Variants in ACP3 observed in about 807,000 individuals in gnomAD.
ACP3 encodes the protein acid phosphatase 3.
Under a neutral mutation model 45.6 loss-of-function variants are expected in ACP3, and 38 were observed. The ratio of observed to expected loss-of-function variants is 0.83; its 90% CI spans 0.64 to 1.09. The LOEUF is 1.09. Among genes scored for constraint, ACP3 ranks in the 50% least tolerant of loss-of-function variants. The pLI is 0.00. For missense variants in ACP3, 466 were observed against 463.2 expected, an observed-to-expected ratio of 1.01 and a Z score of -0.05; for synonymous variants, 162 against 164.7, an observed-to-expected ratio of 0.98 and a Z score of 0.13.
At chr3:132,323,696 C>T (rs1576407279) in intron 1 of ACP3, among the ~76,000 whole-genome samples, 1 of 152,270 alleles carries the variant, frequency 6.6e-6, no homozygotes, top group African/African-American at 2.4e-5. Context: ...TTGGATGTAA[C>T]AGCAGGAGGG....
At chr3:132,333,491 G>T (rs1443135177) in intron 4 of ACP3, 1 of 152,536 alleles carries the variant, frequency 6.6e-6, no homozygotes, top group Non-Finnish European at 1.5e-5. Context: ...AGTGACCTCT[G>T]GGGTAGGTTA....
At chr3:132,365,958 C>G (rs1938124393) in intron 10 of ACP3, among the ~76,000 whole-genome samples, 2 of 151,918 alleles carry the variant, frequency 1.3e-5, no homozygotes, top group Admixed American at 1.3e-4. Flanking sequence ...CCACTGCACT[C>G]CAGCTTGGGC....
At chr3:132,319,905 A>G (rs1316337816) in intron 1 of ACP3, among the ~76,000 whole-genome samples, 4 of 152,178 alleles carry the variant, frequency 2.6e-5, no homozygotes. Flanking sequence ...ATCCGAGAAA[A>G]ATAAATCCTC....
intron 1 of ACP3, among the ~76,000 whole-genome samples, chr3:132,323,641 G>A (rs1937244274): frequency 6.6e-6 from 1 of 152,162 alleles, no homozygotes; most frequent in South Asian, 2.1e-4. Flanking sequence ...AAAGCAGACA[G>A]GACATCAAGA....
chr3:132,343,387 A>C (rs974844), intron 6 of ACP3, among the ~76,000 whole-genome samples: 18,462 of 152,236 alleles, frequency 0.12, 1,371 homozygotes, highest in Non-Finnish European at 0.18. Context: ...GCCTCCATCC[A>C]TCCTAAAGTT....
Position 132,319,284 on chromosome 3 carries a change from G to A in ACP3, c.120+1708G>A, listed in dbSNP as rs569540126. ...ATAAGTGGTTAATTTATACAAATGA[G>A]ATAACTCTTAGAAAATTATTAGGAG... On this transcript the variant is annotated intron_variant, in intron 1 of 9. Transcript: ENST00000336375. 1.2e-4 allele frequency among the ~76,000 whole-genome samples: 19 copies of A among 152,232 alleles called. No homozygotes were observed. In the East Asian group the frequency reaches 3.1e-3, roughly 25 times the overall value.
intron 10 of ACP3, among the ~76,000 whole-genome samples, chr3:132,365,992 A>C (rs945284281): frequency 5.6e-5 from 8 of 141,826 alleles, no homozygotes; most frequent in East Asian, 4.1e-4. Flanking sequence ...TCCATCTCCC[A>C]AAAAAAAAAA....
chr3:132,319,244 A>G (rs1937161707), intron 1 of ACP3, among the ~76,000 whole-genome samples: 1 of 152,252 alleles, frequency 6.6e-6, no homozygotes, highest in South Asian at 2.1e-4. Context: ...TATTGACTAA[A>G]GAGAATATTT....
intron 6 of ACP3, 23 bp downstream of exon 6, chr3:132,342,667 G>A: frequency 2.2e-6 from 3 of 1,390,292 alleles, no homozygotes; most frequent in Non-Finnish European, 2.0e-6. Flanking sequence ...AAAATCACAG[G>A]TTAACTTGCA....
chr3:132,356,772 C>T lies in ACP3; in HGVS notation c.1055C>T (p.Pro352Leu). The T allele has an allele frequency of 6.2e-7, 1 of 1,614,158 alleles. No homozygotes were observed. The highest frequency in any genetic ancestry group is 8.5e-7 in the Non-Finnish European group (1 of 1,180,028). The change falls in exon 10 of 10, where the codon CCT (proline) becomes CTT (leucine). Residue 352 changes from proline (P) to leucine (L), a missense_variant. Transcript: ENST00000336375. The stretch of plus-strand genomic sequence containing the variant: ...CTACCTGGCTGCAGCCCCAGCTGTC[C>T]TCTGGAGAGGTTTGCTGAGCTGGTT... ...LMLPGCSPSCPLERFAELVGP... is the reference protein window; with the variant it reads ...LMLPGCSPSCLLERFAELVGP...
chr3:132,360,865 C>T (rs1938028067), downstream of ACP3, among the ~76,000 whole-genome samples: 1 of 152,172 alleles, frequency 6.6e-6, no homozygotes. Context: ...TTTGAGTGTT[C>T]AGCCAGTAGA....
intron 10 of ACP3, among the ~76,000 whole-genome samples, chr3:132,365,279 G>A (rs932969011): frequency 3.3e-5 from 5 of 152,224 alleles, no homozygotes; most frequent in African/African-American, 9.6e-5. Flanking sequence ...TGTTTTGGAA[G>A]ATGAGGATCA....
Position 132,356,888 on chromosome 3 carries a change from A to T in ACP3, c.*10A>T, listed in dbSNP as rs1184659703. On this transcript the variant is annotated 3_prime_UTR_variant, in exon 10 of 10. Coordinates refer to ENST00000336375, the MANE Select transcript of ACP3 (RefSeq NM_001099.5). ...AGACAGTACAGATTAGTGTGCACAG[A>T]GATCTCTGTAGAAGGAGTAGCTGCC... 6.2e-7 allele frequency: 1 copy of T among 1,602,996 alleles called. No individual in the cohort carries two copies. Among genetic ancestry groups the T allele is most frequent in the Admixed American group, 1.7e-5 (1 of 58,814 alleles).
chr3:132,328,300 A>G lies in ACP3; in HGVS notation c.154A>G (p.Thr52Ala). 1 of 1,614,000 alleles carries G rather than the reference A, an allele frequency of 6.2e-7. No homozygotes were observed. The highest frequency in any genetic ancestry group is 8.5e-7 in the Non-Finnish European group (1 of 1,179,914). ...FRHGDRSPID[T>A]FPTDPIKESS... The stretch of plus-strand genomic sequence containing the variant: ...GCATGGAGACCGAAGTCCCATTGAC[A>G]CCTTTCCCACTGACCCCATAAAGGA... Residue 52 changes from threonine (T) to alanine (A), a missense_variant, in exon 2 of 10, where the codon ACC becomes GCC. Thr to Ala is a moderately conservative substitution (Grantham distance 58, BLOSUM62 0). Transcript: ENST00000336375.
downstream of ACP3, among the ~76,000 whole-genome samples, chr3:132,359,937 G>A (rs1938008619): frequency 6.6e-6 from 1 of 152,158 alleles, no homozygotes; most frequent in African/African-American, 2.4e-5. Flanking sequence ...CCACTGGTTT[G>A]GGCTCATAGA....
At chr3:132,334,093 C>T (rs895036783) in intron 4 of ACP3, among the ~76,000 whole-genome samples, 1 of 152,018 alleles carries the variant, frequency 6.6e-6, no homozygotes, top group Admixed American at 6.6e-5. Flanking sequence ...AAAAACAAAA[C>T]AAAACAAAGA....
intron 1 of ACP3, among the ~76,000 whole-genome samples, chr3:132,326,770 G>T (rs1046341825): frequency 6.6e-6 from 1 of 152,174 alleles, no homozygotes; most frequent in Non-Finnish European, 1.5e-5. Context: ...CAGGTTCTTA[G>T]CTTACTTTTC....
intron 5 of ACP3, 76 bp from the exon 6 acceptor site, chr3:132,342,476 G>A (rs1937562920): frequency 9.5e-7 from 1 of 1,052,352 alleles, no homozygotes; most frequent in Admixed American, 2.0e-5. Flanking sequence ...ACAAACAATT[G>A]TCTGGCCCAA....
intron 5 of ACP3, among the ~76,000 whole-genome samples, chr3:132,340,596 T>C (rs140769452): frequency 6.6e-6 from 1 of 152,298 alleles, no homozygotes; most frequent in African/African-American, 2.4e-5. Context: ...TGGTAGAAGG[T>C]ATCCTGTTTA....
Sources: gnomAD v4.1 joint callset for allele counts (sites outside exome capture counted in the v4.1 genomes callset) on GRCh38, gnomAD v4.1.1 for gene constraint, MANE v1.5 for transcripts, NCBI Gene and HGNC (gene_info 2026-07-23, HGNC 2026-07-21) for gene names.